The following COL9A1 variants were observed in gnomAD, a reference collection of about 807,000 sequenced individuals.
The protein encoded by COL9A1 is collagen alpha-1(IX) chain.
Under a neutral mutation model 142.6 loss-of-function variants are expected in COL9A1, and 104 were observed. That is an observed-to-expected ratio of 0.73 (90% CI 0.62 to 0.86). The LOEUF (loss-of-function observed/expected upper bound fraction) is 0.86. Among genes scored for constraint, COL9A1 ranks in the 40% least tolerant of loss-of-function variants. The pLI, the probability that COL9A1 is intolerant of heterozygous loss-of-function variation, is 0.00. For synonymous variants in COL9A1, 466 were observed against 396.0 expected (o/e 1.18, Z -2.10); for missense variants, 1,210 against 1,176.6 (o/e 1.03, Z -0.42).
chr6:70,231,656 G>A (rs1379476031), intron 36 of COL9A1, among the ~76,000 whole-genome samples: 2 of 151,600 alleles, frequency 1.3e-5, no homozygotes, highest in African/African-American at 4.9e-5. Context: ...AAGGCAGCTT[G>A]CTTGCCATCT....
At chr6:70,286,796 G>A (rs1345069462) in intron 5 of COL9A1, among the ~76,000 whole-genome samples, 2 of 152,208 alleles carry the variant, frequency 1.3e-5, no homozygotes, top group Non-Finnish European at 2.9e-5. Context: ...TGCTAGGGAT[G>A]TAGGCAGCAC....
At chr6:70,238,111 C>T (rs982494962) in intron 33 of COL9A1, among the ~76,000 whole-genome samples, 1 of 152,136 alleles carries the variant, frequency 6.6e-6, no homozygotes. Flanking sequence ...GAGTTTTAAA[C>T]AGAGGAGGGA....
In COL9A1 at chr6:70,234,829, CCT is replaced by C. The variant is rs765737002; in HGVS notation, c.2222_2223del (p.Gln741ArgfsTer14). ...TGGACACCAGGCAGGCCGGTGGCAC[CCT>C]GTTCTCCCTGCACACCCCGGGGTCC... ...PPGPRGVQGE[Q>X]GATGLPGVQG... On this transcript the variant is annotated frameshift_variant, in exon 34 of 38. Transcript: ENST00000357250. LOFTEE classifies it high-confidence loss of function. 9 of 1,614,032 alleles carry C rather than the reference CCT, an allele frequency of 5.6e-6. No individual in the cohort carries two copies. The highest frequency in any genetic ancestry group is 7.6e-6 in the Non-Finnish European group (9 of 1,179,946).
chr6:70,257,437 G>A (rs1171096284), intron 20 of COL9A1, among the ~76,000 whole-genome samples: 1 of 152,156 alleles, frequency 6.6e-6, no homozygotes, highest in Non-Finnish European at 1.5e-5. Context: ...CTTATTAATA[G>A]ATTGGTAAAT....
chr6:70,239,334 A>T, intron 32 of COL9A1, 48 bp from the exon 33 acceptor site: 1 of 1,264,940 alleles, frequency 7.9e-7, no homozygotes, highest in Non-Finnish European at 1.2e-6. Flanking sequence ...TTCACATTTG[A>T]TAATTTCCTG....
At chr6:70,296,311 A>G (rs2127606273) in intron 4 of COL9A1, among the ~76,000 whole-genome samples, 1 of 152,226 alleles carries the variant, frequency 6.6e-6, no homozygotes, top group East Asian at 1.9e-4. Flanking sequence ...TATTTTATCC[A>G]TACATCTTTT....
chr6:70,242,937 A>G (rs1234654071), intron 28 of COL9A1, among the ~76,000 whole-genome samples: 2 of 152,256 alleles, frequency 1.3e-5, no homozygotes, highest in South Asian at 2.1e-4. Flanking sequence ...ATGCATGTAT[A>G]TGAAATGGCA....
chr6:70,249,982 C>A (rs1055804451), intron 28 of COL9A1, among the ~76,000 whole-genome samples: 2 of 152,080 alleles, frequency 1.3e-5, no homozygotes, highest in African/African-American at 4.8e-5. Context: ...CTAATACAGC[C>A]GGGTGAGGTG....
At chr6:70,218,371 T>C (rs1224845048) in intron 37 of COL9A1, among the ~76,000 whole-genome samples, 2 of 152,202 alleles carry the variant, frequency 1.3e-5, no homozygotes, top group Non-Finnish European at 2.9e-5. Context: ...TTAAGGGTTG[T>C]ATGTTGCCCT....
At position 70,294,141 on chromosome 6, in the gene COL9A1, G is replaced by T. The variant is rs145141059; in HGVS notation, c.696+26C>A. On this transcript the variant is annotated intron_variant, in intron 5 of 37. Transcript: ENST00000357250. ...TACCAATCTAGTTTTGCTTTAATCTGCCATAGTGTGTGGTTTTATACTTAC... is the reference window on the plus strand; with the variant it reads ...TACCAATCTAGTTTTGCTTTAATCTTCCATAGTGTGTGGTTTTATACTTAC... The T allele has an allele frequency of 5.4e-4, 878 of 1,613,532 alleles. 4 individuals are homozygous for T. In the African/African-American group the frequency reaches 0.011, roughly 19 times the overall value.
rs1212290834 is a variant in COL9A1, at chr6:70,232,756, A to G, written c.2330T>C (p.Met777Thr). The change falls in exon 36 of 38, where the codon ATG becomes ACG. Residue 777 changes from methionine to threonine, a missense_variant. Transcript: ENST00000357250. Reference protein sequence around the residue: ...MRVIQEHFAEMAASLKRPDSG... With the variant: ...MRVIQEHFAETAASLKRPDSG... ...GTCTGGACGCTTAAGACTGGCAGCCATCTCAGCAAAATGTTCTAAAAGAGA... is the reference window on the plus strand; with the variant it reads ...GTCTGGACGCTTAAGACTGGCAGCCGTCTCAGCAAAATGTTCTAAAAGAGA... The G allele has an allele frequency of 1.9e-6, 3 of 1,613,006 alleles. No individual in the cohort carries two copies. The highest frequency in any genetic ancestry group is 2.7e-5 in the African/African-American group (2 of 74,908).
chr6:70,243,628 A>C (rs1383546973), intron 28 of COL9A1, among the ~76,000 whole-genome samples: 1 of 152,132 alleles, frequency 6.6e-6, no homozygotes, highest in Non-Finnish European at 1.5e-5. Flanking sequence ...CCCAGGTTCA[A>C]GTGATTCTCC....
At position 70,270,337 on chromosome 6, in the gene COL9A1, G is replaced by T; in HGVS notation, c.1174C>A (p.Pro392Thr). 1 of 1,613,768 alleles carries T rather than the reference G, an allele frequency of 6.2e-7. No homozygotes were observed. The highest frequency in any genetic ancestry group is 8.5e-7 in the Non-Finnish European group (1 of 1,179,846). ...ACTCTGGGTCCTGGGGGGCCAGGGG[G>T]GCCAGGTGGTCCTCTTCTCCCAGGG... ...GDPGRRGPPG[P>T]PGPPGPRGTI... The change falls in exon 15 of 38, where the codon CCC (proline) becomes ACC (threonine). Residue 392 changes from proline to threonine, a missense_variant. Physicochemically the swap from Pro to Thr is conservative, Grantham distance 38. Coordinates refer to ENST00000357250, the MANE Select transcript of COL9A1 (RefSeq NM_001851.6).
chr6:70,254,878 G>T, intron 24 of COL9A1, 85 bp downstream of exon 24: 1 of 1,251,154 alleles, frequency 8.0e-7, no homozygotes, highest in Non-Finnish European at 1.2e-6. Flanking sequence ...TAAATCTTTT[G>T]GTGATTTAGT....
intron 33 of COL9A1, among the ~76,000 whole-genome samples, chr6:70,237,829 G>T (rs770575632): frequency 1.6e-4 from 24 of 152,188 alleles, no homozygotes; most frequent in South Asian, 4.1e-4. Context: ...TCATCTCTGC[G>T]GTTTGCAAAG....
In COL9A1 at chr6:70,271,145, G is replaced by A. The variant is rs118091521; in HGVS notation, c.1143+510C>T. Among the ~76,000 whole-genome samples, 142 of 152,212 alleles carry A rather than the reference G, an allele frequency of 9.3e-4. 2 individuals carry two copies. In the East Asian group the frequency reaches 0.021, roughly 22 times the overall value. The stretch of plus-strand genomic sequence containing the variant: ...TCCCACAGTGAGTTTACAATTACGC[G>A]CCTTCACATAACATCACTATGTCAA... On this transcript the variant is annotated intron_variant, in intron 14 of 37. Coordinates refer to ENST00000357250, the MANE Select transcript of COL9A1 (RefSeq NM_001851.6).
intron 7 of COL9A1, 86 bp from the exon 8 acceptor site, chr6:70,281,550 G>T (rs923617578): frequency 2.8e-6 from 3 of 1,061,830 alleles, no homozygotes; most frequent in Admixed American, 5.3e-5. Flanking sequence ...CCCCGCCTCC[G>T]TGGGGTAAAA....
Position 70,270,295 on chromosome 6 carries a change from C to A in COL9A1, c.1197+19G>T. Reference sequence around the variant, plus strand: ...TGACTCTCAGACACAAACAGAAATTCAAGCTGCAAATAACTTACTCTGGGT... The same window carrying A: ...TGACTCTCAGACACAAACAGAAATTAAAGCTGCAAATAACTTACTCTGGGT... On this transcript the variant is annotated intron_variant, in intron 15 of 37. Transcript: ENST00000357250. 5 of 1,611,984 alleles carry A rather than the reference C, an allele frequency of 3.1e-6. No individual in the cohort carries two copies. The East Asian group carries it at 1.1e-4, about 36-fold the overall frequency.
Position 70,281,044 on chromosome 6 carries a change from A to T in COL9A1, c.877-5T>A. ...GCCCTTAGGACCTCGGTCACCCTGG[A>T]GGGGTAGGAGAAAAAGAGAGAGCAG... On this transcript the variant is annotated splice_region_variant and splice_polypyrimidine_tract_variant and intron_variant, in intron 8 of 37. Transcript: ENST00000357250. The T allele has an allele frequency of 1.2e-6, 2 of 1,607,614 alleles. No homozygotes were observed. Among genetic ancestry groups the T allele is most frequent in the Non-Finnish European group, 1.7e-6 (2 of 1,177,688 alleles).
Sources: allele counts gnomAD v4.1 joint callset (sites outside exome capture counted in the v4.1 genomes callset), GRCh38; gene constraint gnomAD v4.1.1; transcripts MANE v1.5; gene names NCBI Gene and HGNC (gene_info 2026-07-23, HGNC 2026-07-21).